SHANK2: variants seen among roughly 807,000 people sequenced by gnomAD.
The protein encoded by SHANK2 is SH3 and multiple ankyrin repeat domains 2, also known as SH3 and multiple ankyrin repeat domains protein 2.
SHANK2 carries 43 observed loss-of-function variants against 133.7 expected under a neutral mutation model. That is an observed-to-expected ratio of 0.32 (90% CI 0.25 to 0.41). SHANK2 has a LOEUF of 0.41. Ranked by LOEUF, SHANK2 falls within the 10% of genes least tolerant of loss-of-function variation. The pLI, the probability that SHANK2 is intolerant of heterozygous loss-of-function variation, is 1.00. For missense variants in SHANK2, 1,994 were observed against 2,235.8 expected (o/e 0.89, Z 2.18); for synonymous variants, 1,017 against 952.8 (o/e 1.07, Z -1.24).
intron 10 of SHANK2, among the ~76,000 whole-genome samples, chr11:70,939,017 T>C (rs1950608349): frequency 6.6e-6 from 1 of 151,772 alleles, no homozygotes; most frequent in African/African-American, 2.4e-5. Flanking sequence ...GAACTATGGG[T>C]GGCAGCAGGG....
At chr11:70,726,394 G>A (rs1366415891) in intron 14 of SHANK2, among the ~76,000 whole-genome samples, 1 of 149,026 alleles carries the variant, frequency 6.7e-6, no homozygotes, top group Non-Finnish European at 1.5e-5. Flanking sequence ...ATGCCTTATG[G>A]AGCTCACATG....
At chr11:70,658,232 CACACACACACACAG>C (rs60864015) in intron 17 of SHANK2, among the ~76,000 whole-genome samples, 18,044 of 110,946 alleles carry the variant, frequency 0.16, 1,195 homozygotes, top group Non-Finnish European at 0.21. Context: ...CACACACACA[CACACACACACACAG>C]ACACACACAC....
chr11:70,926,376 C>A (rs995639639), intron 10 of SHANK2, among the ~76,000 whole-genome samples: 1 of 152,114 alleles, frequency 6.6e-6, no homozygotes, highest in Admixed American at 6.5e-5. Context: ...CTCAGTAAGC[C>A]AAGATGGCGC....
intron 17 of SHANK2, among the ~76,000 whole-genome samples, chr11:70,520,928 T>C (rs2059322363): frequency 6.6e-6 from 1 of 152,234 alleles, no homozygotes; most frequent in South Asian, 2.1e-4. Context: ...ACTTCCTTCC[T>C]TTCCGGTTCT....
intron 14 of SHANK2, among the ~76,000 whole-genome samples, chr11:70,737,518 T>G (rs1378218120): frequency 2.0e-5 from 3 of 152,196 alleles, no homozygotes; most frequent in African/African-American, 7.2e-5. Flanking sequence ...CAGCCCTGCA[T>G]GCATCTCGCT....
At chr11:70,675,813 T>C (rs1555017088) in intron 15 of SHANK2, among the ~76,000 whole-genome samples, 1 of 152,154 alleles carries the variant, frequency 6.6e-6, no homozygotes, top group East Asian at 1.9e-4. Flanking sequence ...AAGGACACGG[T>C]GGGGTGAGCA....
At chr11:70,945,997 A>G (rs1950721150) in intron 10 of SHANK2, among the ~76,000 whole-genome samples, 1 of 148,848 alleles carries the variant, frequency 6.7e-6, no homozygotes, top group African/African-American at 2.5e-5. Context: ...TCCACTAACC[A>G]ACCCTTCCCA....
intron 2 of SHANK2, among the ~76,000 whole-genome samples, chr11:71,203,878 G>A (rs545020617): frequency 6.6e-6 from 1 of 152,340 alleles, no homozygotes; most frequent in East Asian, 1.9e-4. Flanking sequence ...GGGTGCAGGG[G>A]TCTGGACTCC....
intron 14 of SHANK2, among the ~76,000 whole-genome samples, chr11:70,781,199 C>T (rs997236463): frequency 6.6e-6 from 1 of 151,968 alleles, no homozygotes; most frequent in Non-Finnish European, 1.5e-5. Flanking sequence ...AAGGAGCTCA[C>T]ATCCTTACAT....
chr11:70,809,991 A>T (rs1349595337), intron 12 of SHANK2, among the ~76,000 whole-genome samples: 1 of 152,232 alleles, frequency 6.6e-6, no homozygotes, highest in Non-Finnish European at 1.5e-5. Context: ...CCCACCGGGC[A>T]CGGTGTGGCA....
chr11:71,196,103 A>C (rs1377948469), intron 2 of SHANK2, among the ~76,000 whole-genome samples: 4 of 152,026 alleles, frequency 2.6e-5, no homozygotes, highest in Non-Finnish European at 4.4e-5. Context: ...GGATTCCTTG[A>C]GCCCAGGAGT....
intron 1 of SHANK2, among the ~76,000 whole-genome samples, chr11:71,245,573 A>C (rs1382504087): frequency 6.6e-6 from 1 of 152,210 alleles, no homozygotes; most frequent in Non-Finnish European, 1.5e-5. Flanking sequence ...GCCACCCAGG[A>C]GGCAATCTGG....
At chr11:70,476,363 C>G (rs1236455673) in intron 25 of SHANK2, among the ~76,000 whole-genome samples, 2 of 151,808 alleles carry the variant, frequency 1.3e-5, no homozygotes, top group African/African-American at 4.8e-5. Context: ...GAGAGGTGGC[C>G]TATGGACATA....
At chr11:71,138,268 T>C (rs1555105156) in intron 3 of SHANK2, among the ~76,000 whole-genome samples, 1 of 152,140 alleles carries the variant, frequency 6.6e-6, no homozygotes, top group Non-Finnish European at 1.5e-5. Context: ...GGGCGCCTCA[T>C]GGTCTCTGAG....
intron 17 of SHANK2, among the ~76,000 whole-genome samples, chr11:70,593,536 G>A (rs1477625876): frequency 6.6e-6 from 1 of 152,144 alleles, no homozygotes; most frequent in African/African-American, 2.4e-5. Context: ...TGCCCCACGG[G>A]ACGTCTGAGC....
intron 10 of SHANK2, among the ~76,000 whole-genome samples, chr11:70,920,718 G>C (rs1302645242): frequency 6.6e-6 from 1 of 152,230 alleles, no homozygotes; most frequent in Non-Finnish European, 1.5e-5. Flanking sequence ...CACTACAGCA[G>C]AGTATTGCTG....
rs377472065 is a variant in SHANK2 at position 70,486,258 on chromosome 11, C to A, written c.4035G>T (p.Pro1345=). The A allele has an allele frequency of 6.2e-7, 1 of 1,614,002 alleles. No individual in the cohort carries two copies. Among genetic ancestry groups the A allele is most frequent in the Admixed American group, 1.7e-5 (1 of 60,028 alleles). The change falls in exon 25 of 26, where the codon CCG becomes CCT. Residue 1345 remains proline, a synonymous_variant. Transcript: ENST00000601538. This position sits in a 1 kb window ranked among gnomAD's most constrained non-coding sequence, Gnocchi z 8.0. ...CGGAAACACCTTCTGGCACCTCGGA[C>A]GGCGAGCTGTCTGGCTTCATCTCCA... The part of the protein sequence containing the change: ...AEVEMKPDSS[P]SEVPEGVSET...
chr11:71,244,862 C>T (rs781788648), intron 1 of SHANK2, among the ~76,000 whole-genome samples: 1 of 152,102 alleles, frequency 6.6e-6, no homozygotes, highest in Non-Finnish European at 1.5e-5. Flanking sequence ...CCCCACTGTG[C>T]CTGGCTAATT....
intron 17 of SHANK2, chr11:70,634,304 A>G (rs1294499268): frequency 6.6e-6 from 1 of 152,152 alleles, no homozygotes; most frequent in African/African-American, 2.4e-5. Context: ...CTGAAGAAAA[A>G]AAAAAGAATA....
Sources: allele counts gnomAD v4.1 joint callset (sites outside exome capture counted in the v4.1 genomes callset), GRCh38; gene constraint gnomAD v4.1.1; non-coding constraint Gnocchi (gnomAD v3.1); transcripts MANE v1.5; gene names NCBI Gene and HGNC (gene_info 2026-07-23, HGNC 2026-07-21).